The following CD99L2 variants were observed in gnomAD, a reference collection of about 807,000 sequenced individuals.
The protein encoded by CD99L2 is CD99 molecule like 2.
In CD99L2, 24 loss-of-function variants were observed where a neutral mutation model predicts 27.3. The observed-to-expected ratio is 0.88, with a 90% CI of 0.64 to 1.24. The LOEUF is 1.24. CD99L2 is among the 50% of genes most tolerant of loss of function. CD99L2 has a pLI of 0.00. For synonymous variants in CD99L2, 97 were observed against 87.9 expected, an observed-to-expected ratio of 1.10 and a Z score of -0.58; for missense variants, 255 against 221.6, an observed-to-expected ratio of 1.15 and a Z score of -0.96.
At chrX:150,852,125 G>C (rs782472415) in intron 1 of CD99L2, among the ~76,000 whole-genome samples, 1 of 112,114 alleles carries the variant, frequency 8.9e-6, no homozygotes, top group Non-Finnish European at 1.9e-5. Flanking sequence ...ACTTTATGCT[G>C]GGTAGTTAAG....
chrX:150,824,567 G>A (rs1303657443), intron 2 of CD99L2, among the ~76,000 whole-genome samples: 1 of 97,368 alleles, frequency 1.0e-5, no homozygotes, highest in African/African-American at 3.8e-5. Flanking sequence ...GAAAGAAGGA[G>A]GAGGAGGAGG....
At chrX:150,879,872 C>T (rs2047298092) in intron 1 of CD99L2, among the ~76,000 whole-genome samples, 1 of 96,138 alleles carries the variant, frequency 1.0e-5, no homozygotes, top group Non-Finnish European at 2.0e-5. Flanking sequence ...CTGCAGTGAG[C>T]CTTGTTGGTG....
intron 1 of CD99L2, among the ~76,000 whole-genome samples, chrX:150,887,141 C>CAAA (rs58847466): frequency 1.3e-4 from 10 of 78,699 alleles, no homozygotes; most frequent in African/African-American, 4.5e-4. Context: ...GAGACTCTGT[C>CAAA]AAAAAAAAAA....
At chrX:150,879,749 CT>C (rs2047292707) in intron 1 of CD99L2, among the ~76,000 whole-genome samples, 1 of 11,252 alleles carries the variant, frequency 8.9e-5, no homozygotes, top group Non-Finnish European at 1.5e-4. Context: ...TCTACAAAAA[CT>C]AAAAAAAAAA....
chrX:150,891,243 T>C, intron 1 of CD99L2, among the ~76,000 whole-genome samples: 2 of 112,546 alleles, frequency 1.8e-5, no homozygotes, highest in Middle Eastern at 4.7e-3. Flanking sequence ...ACAATACCCA[T>C]TTATTATCTC....
At chrX:150,868,160 G>A (rs183507525) in intron 1 of CD99L2, among the ~76,000 whole-genome samples, 121 of 109,687 alleles carry the variant, frequency 1.1e-3, no homozygotes, top group Non-Finnish European at 1.9e-3. Context: ...TGTAATTAGC[G>A]TATCCATCAT....
chrX:150,863,052 A>ACGT (rs782404426), intron 1 of CD99L2, among the ~76,000 whole-genome samples: 19 of 112,025 alleles, frequency 1.7e-4, no homozygotes, highest in Non-Finnish European at 2.8e-4. Flanking sequence ...ACTTACAATT[A>ACGT]CGTATATTCT....
intron 4 of CD99L2, among the ~76,000 whole-genome samples, chrX:150,799,887 T>A (rs5969973): frequency 0.23 from 25,060 of 110,942 alleles, 2,507 homozygotes; most frequent in African/African-American, 0.39. Context: ...TCCATACCCA[T>A]ATGAATTGAA....
At position 150,768,808 on chromosome X, in the gene CD99L2, T is replaced by C; in HGVS notation, c.*226A>G. ...AGCAGCTCCCGAGGCTGGTGCTGGC[T>C]TTCTATCAGAGCTGGCTCTTGAATT... On this transcript the variant is annotated 3_prime_UTR_variant, in exon 11 of 11. Transcript: ENST00000370377. The C allele has an allele frequency of 9.6e-6, 8 of 831,126 alleles. No homozygotes were observed. The highest frequency in any genetic ancestry group is 1.2e-5 in the Non-Finnish European group (8 of 650,387). 68.5% of individuals were successfully genotyped at this position (831,126 alleles called of 1,213,427 possible).
intron 1 of CD99L2, among the ~76,000 whole-genome samples, chrX:150,878,005 C>CA (rs1415520363): frequency 1.1e-5 from 1 of 94,358 alleles, no homozygotes; most frequent in African/African-American, 3.8e-5. Context: ...CACACACACA[C>CA]CAGTAGCTTT....
At chrX:150,898,447 T>C in intron 1 of CD99L2, 75 bp downstream of exon 1, 1 of 877,215 alleles carries the variant, frequency 1.1e-6, no homozygotes, top group Non-Finnish European at 1.5e-6. Flanking sequence ...ACCGTGCCGC[T>C]CATGCGCAGA....
At chrX:150,779,213 C>A (rs781935447) in intron 7 of CD99L2, among the ~76,000 whole-genome samples, 1 of 112,067 alleles carries the variant, frequency 8.9e-6, no homozygotes, top group Non-Finnish European at 1.9e-5. Context: ...TTCCTAATTT[C>A]CCCCCAGGGA....
At chrX:150,782,148 C>T (rs921605281) in intron 7 of CD99L2, among the ~76,000 whole-genome samples, 4 of 112,228 alleles carry the variant, frequency 3.6e-5, no homozygotes, top group Non-Finnish European at 7.5e-5. Flanking sequence ...GTTCTAGACT[C>T]TTCTAATAGA....
chrX:150,814,946 G>T lies in CD99L2; in HGVS notation c.203-10C>A, dbSNP rs1557420437. 8.3e-7 allele frequency: 1 copy of T among 1,209,105 alleles called. No homozygotes were observed. Among genetic ancestry groups the T allele is most frequent in the Admixed American group, 2.2e-5 (1 of 45,752 alleles). On this transcript the variant is annotated splice_polypyrimidine_tract_variant and intron_variant, in intron 3 of 10. Transcript: ENST00000370377. ...AAGTCCAATCCACTACCTTCAGTGG[G>T]CCCCAAAACATAAAGGAAACAGCCA...
chrX:150,830,980 T>C (rs2046435616), intron 2 of CD99L2, among the ~76,000 whole-genome samples: 1 of 110,025 alleles, frequency 9.1e-6, no homozygotes. Context: ...GGCTAATTTT[T>C]GTATTTTTAG....
intron 9 of CD99L2, among the ~76,000 whole-genome samples, chrX:150,774,696 G>A (rs1481152123): frequency 8.9e-6 from 1 of 112,096 alleles, no homozygotes; most frequent in East Asian, 2.8e-4. Flanking sequence ...AGCCCAGGAG[G>A]CTGATGCAAA....
intron 2 of CD99L2, among the ~76,000 whole-genome samples, chrX:150,817,872 A>G (rs781834351): frequency 1.8e-5 from 2 of 111,128 alleles, no homozygotes; most frequent in East Asian, 5.7e-4. Context: ...TCTAAAAAAC[A>G]TAAGTTGAAA....
At chrX:150,842,122 G>A (rs2046631290) in intron 1 of CD99L2, among the ~76,000 whole-genome samples, 1 of 111,821 alleles carries the variant, frequency 8.9e-6, no homozygotes, top group South Asian at 3.8e-4. Context: ...TACTTCCACC[G>A]CAGAGGGCCA....
intron 1 of CD99L2, among the ~76,000 whole-genome samples, chrX:150,892,795 C>T (rs1330738490): frequency 9.1e-6 from 1 of 109,729 alleles, no homozygotes; most frequent in African/African-American, 3.3e-5. Context: ...CCTACTGATG[C>T]TGACTCCTGG....
Sources: gnomAD v4.1 joint callset for allele counts (sites outside exome capture counted in the v4.1 genomes callset) on GRCh38, gnomAD v4.1.1 for gene constraint, MANE v1.5 for transcripts, NCBI Gene and HGNC (gene_info 2026-07-23, HGNC 2026-07-21) for gene names.